Variants in SLC25A17 observed in about 807,000 individuals in gnomAD.
SLC25A17 encodes the protein peroxisomal membrane protein PMP34.
A neutral mutation model predicts 38.5 loss-of-function variants in SLC25A17; 26 were observed. The observed-to-expected ratio is 0.68, with a 90% CI of 0.50 to 0.94. The LOEUF (loss-of-function observed/expected upper bound fraction) is 0.94, where lower values mean the gene tolerates loss of function less well. Ranked by LOEUF, SLC25A17 falls within the 40% of genes least tolerant of loss-of-function variation. SLC25A17 has a pLI of 0.00. For synonymous variants in SLC25A17, 139 were observed against 136.2 expected (o/e 1.02, Z -0.14); for missense variants, 333 against 372.7 (o/e 0.89, Z 0.88).
At chr22:40,783,181 G>C (rs2057309105) in intron 4 of SLC25A17, among the ~76,000 whole-genome samples, 1 of 152,220 alleles carries the variant, frequency 6.6e-6, no homozygotes, top group African/African-American at 2.4e-5. Context: ...TACAATCAGA[G>C]AATCTCACAA....
At chr22:40,818,283 CA>C (rs1365471767) in intron 1 of SLC25A17, among the ~76,000 whole-genome samples, 1 of 152,058 alleles carries the variant, frequency 6.6e-6, no homozygotes, top group African/African-American at 2.4e-5. Flanking sequence ...TCACCCAAGC[CA>C]AAAGTGGAAA....
chr22:40,790,880 C>T (rs931538549), intron 4 of SLC25A17, among the ~76,000 whole-genome samples: 2 of 151,988 alleles, frequency 1.3e-5, no homozygotes, highest in Non-Finnish European at 2.9e-5. Context: ...ATAGAAGATC[C>T]CACTAGATTG....
In SLC25A17 at chr22:40,789,892, T is replaced by C. The variant is rs2057369856; in HGVS notation, c.334+2633A>G. ...GCGGGCTCAAGTGATCCTCCTGCCT[T>C]GACCTCCCAAACTGCTGGGATTACA... On this transcript the variant is annotated intron_variant, in intron 4 of 8. Transcript: ENST00000435456. This position sits in a 1 kb window ranked among gnomAD's most constrained non-coding sequence, Gnocchi z 4.5. Among the ~76,000 whole-genome samples the C allele has an allele frequency of 6.6e-6, 1 of 150,956 alleles. No homozygotes were observed. Among genetic ancestry groups the C allele is most frequent in the South Asian group, 2.1e-4 (1 of 4,754 alleles).
At chr22:40,797,427 G>A (rs943448209) in intron 2 of SLC25A17, 1 of 556,894 alleles carries the variant, frequency 1.8e-6, no homozygotes, top group African/African-American at 1.9e-5. Context: ...CATTAGCAAT[G>A]GCATTGAGTA....
Position 40,788,010 on chromosome 22 carries a change from C to T in SLC25A17, c.334+4515G>A, listed in dbSNP as rs898073159. On this transcript the variant is annotated intron_variant, in intron 4 of 8. Coordinates refer to ENST00000435456, the MANE Select transcript of SLC25A17 (RefSeq NM_006358.4). ...AGCTCAAGCAATCCTCCCACCTTGG[C>T]CTCCCAAAGTGCTGGGATTACAGGC... Among the ~76,000 whole-genome samples the T allele has an allele frequency of 2.0e-5, 3 of 152,324 alleles. No homozygotes were observed. In the East Asian group the frequency reaches 5.8e-4, roughly 29 times the overall value.
At chr22:40,785,394 C>CA (rs1569403344) in intron 4 of SLC25A17, among the ~76,000 whole-genome samples, 1 of 151,982 alleles carries the variant, frequency 6.6e-6, no homozygotes, top group Non-Finnish European at 1.5e-5. Flanking sequence ...AAAAAACAAA[C>CA]AAAAAAAGCT....
chr22:40,794,327 A>C (rs1361875261), intron 3 of SLC25A17, among the ~76,000 whole-genome samples, 187 bp downstream of exon 3: 1 of 152,224 alleles, frequency 6.6e-6, no homozygotes, highest in Non-Finnish European at 1.5e-5. Flanking sequence ...AATAAATAAA[A>C]AGAATCAAAT....
intron 4 of SLC25A17, chr22:40,788,939 G>T: frequency 3.2e-6 from 1 of 308,896 alleles, no homozygotes; most frequent in Non-Finnish European, 6.4e-6. Flanking sequence ...TCTGGTCTGA[G>T]GTAGCCAACA....
intron 2 of SLC25A17, among the ~76,000 whole-genome samples, chr22:40,795,454 G>A (rs866687228): frequency 2.7e-4 from 41 of 151,954 alleles, no homozygotes; most frequent in Admixed American, 5.9e-4. Context: ...CACGATGCCC[G>A]GCTAATTTTT....
intron 8 of SLC25A17, among the ~76,000 whole-genome samples, chr22:40,773,531 T>C (rs1404469081): frequency 6.6e-6 from 1 of 151,928 alleles, no homozygotes; most frequent in Non-Finnish European, 1.5e-5. Flanking sequence ...CCATCATCAT[T>C]ATCATCATCA....
chr22:40,803,542 ATCCAT>A (rs917460319), intron 1 of SLC25A17, among the ~76,000 whole-genome samples: 2 of 152,108 alleles, frequency 1.3e-5, no homozygotes, highest in Non-Finnish European at 2.9e-5. Context: ...CATTTTTCTT[ATCCAT>A]TCATCTGTAG....
intron 8 of SLC25A17, 49 bp downstream of exon 8, chr22:40,773,888 G>T: frequency 7.8e-7 from 1 of 1,279,102 alleles, no homozygotes; most frequent in Non-Finnish European, 1.1e-6. Context: ...CCCTGGCAGA[G>T]ATGGCTGCTG....
intron 4 of SLC25A17, among the ~76,000 whole-genome samples, chr22:40,783,439 C>T (rs1465206968): frequency 6.6e-6 from 1 of 152,188 alleles, no homozygotes; most frequent in Non-Finnish European, 1.5e-5. Context: ...AATTTCAAAA[C>T]ACAGGAATTC....
rs11704572 is a variant in SLC25A17 at position 40,789,126 on chromosome 22, G to A, written c.334+3399C>T. ...CATAATAAATGCCACTGGATATATC[G>A]GCTGGCAGATTATCTACCACTTGCT... On this transcript the variant is annotated intron_variant, in intron 4 of 8. Coordinates refer to ENST00000435456, the MANE Select transcript of SLC25A17 (RefSeq NM_006358.4). This position sits in a 1 kb window ranked among gnomAD's most constrained non-coding sequence, Gnocchi z 4.5. 1.3e-3 allele frequency: 338 copies of A among 264,674 alleles called. 1 individual carries two copies. Among genetic ancestry groups the A allele is most frequent in the Non-Finnish European group, 2.1e-3 (269 of 127,922 alleles). The allele number at this position is 264,674 out of a possible 1,614,324, so 16.4% of individuals were successfully genotyped here.
In SLC25A17 at chr22:40,789,097, C is replaced by T; in HGVS notation, c.334+3428G>A. ...ACCATCTCTACTTCCAGCACTGGCC[C>T]AACCATAATAAATGCCACTGGATAT... On this transcript the variant is annotated intron_variant, in intron 4 of 8. Coordinates refer to ENST00000435456, the MANE Select transcript of SLC25A17 (RefSeq NM_006358.4). This position sits in a 1 kb window ranked among gnomAD's most constrained non-coding sequence, Gnocchi z 4.5. 3.6e-6 allele frequency: 1 copy of T among 278,800 alleles called. No individual in the cohort carries two copies. Among genetic ancestry groups the T allele is most frequent in the Non-Finnish European group, 7.4e-6 (1 of 135,608 alleles). The allele number at this position is 278,800 out of a possible 1,614,324, so 17.3% of individuals were successfully genotyped here.
chr22:40,771,905 C>A (rs1647458116), intron 8 of SLC25A17, among the ~76,000 whole-genome samples: 1 of 151,880 alleles, frequency 6.6e-6, no homozygotes, highest in Non-Finnish European at 1.5e-5. Flanking sequence ...AGGATAGATA[C>A]CCCATTTTCC....
chr22:40,788,244 T>A (rs934906564), intron 4 of SLC25A17, among the ~76,000 whole-genome samples: 1 of 152,232 alleles, frequency 6.6e-6, no homozygotes, highest in African/African-American at 2.4e-5. Context: ...TTTTTAAATC[T>A]TGATTTTTAA....
At chr22:40,794,218 A>AT (rs560919761) in intron 3 of SLC25A17, among the ~76,000 whole-genome samples, 108 of 151,280 alleles carry the variant, frequency 7.1e-4, no homozygotes, top group Non-Finnish European at 1.2e-3. Context: ...AACAACTATT[A>AT]TTTTTTTTTC....
At chr22:40,799,131 G>T in intron 1 of SLC25A17, 48 bp from the exon 2 acceptor site, 3 of 1,494,830 alleles carry the variant, frequency 2.0e-6, no homozygotes, top group Non-Finnish European at 2.8e-6. Flanking sequence ...CATAGTTTAA[G>T]TCACAACTTT....
Sources: gnomAD v4.1 joint callset for allele counts (sites outside exome capture counted in the v4.1 genomes callset) on GRCh38, gnomAD v4.1.1 for gene constraint, Gnocchi (gnomAD v3.1) non-coding constraint, MANE v1.5 for transcripts, NCBI Gene and HGNC (gene_info 2026-07-23, HGNC 2026-07-21) for gene names.